The following LDLRAD3 variants were observed in gnomAD, a reference collection of about 807,000 sequenced individuals.
LDLRAD3 encodes low-density lipoprotein receptor class A domain-containing protein 3.
In LDLRAD3, 20 loss-of-function variants were observed where a neutral mutation model predicts 29.4. The ratio of observed to expected loss-of-function variants is 0.68; its 90% CI spans 0.48 to 0.99. LDLRAD3 has a LOEUF of 0.99. Among genes scored for constraint, LDLRAD3 ranks in the 50% least tolerant of loss-of-function variants. The pLI is 0.00. For missense variants in LDLRAD3, 420 were observed against 454.3 expected, an observed-to-expected ratio of 0.92 and a Z score of 0.69; for synonymous variants, 157 against 192.7, an observed-to-expected ratio of 0.81 and a Z score of 1.53.
At chr11:36,209,924 A>C (rs983299559) in intron 4 of LDLRAD3, among the ~76,000 whole-genome samples, 1 of 152,244 alleles carries the variant, frequency 6.6e-6, no homozygotes, top group African/African-American at 2.4e-5. Context: ...AAACTGAACA[A>C]AATAAATGGG....
chr11:36,093,432 T>G (rs1337894872), intron 3 of LDLRAD3, among the ~76,000 whole-genome samples: 1 of 152,194 alleles, frequency 6.6e-6, no homozygotes, highest in East Asian at 1.9e-4. Flanking sequence ...TTAAGGTTTT[T>G]TTTTTCTTTC....
chr11:36,010,758 A>G (rs1173288467), intron 1 of LDLRAD3, among the ~76,000 whole-genome samples: 1 of 152,114 alleles, frequency 6.6e-6, no homozygotes, highest in East Asian at 1.9e-4. Context: ...AAATTATTCC[A>G]TGCAGCATTC....
chr11:36,172,167 A>G (rs1270481958), intron 4 of LDLRAD3, among the ~76,000 whole-genome samples: 1 of 152,108 alleles, frequency 6.6e-6, no homozygotes, highest in East Asian at 1.9e-4. Flanking sequence ...ATTTGTGCAC[A>G]TTGATTTTGT....
chr11:35,951,568 CTT>C (rs1352802520), intron 1 of LDLRAD3, among the ~76,000 whole-genome samples: 6 of 152,114 alleles, frequency 3.9e-5, no homozygotes, highest in Non-Finnish European at 7.4e-5. Flanking sequence ...GTGTTTTCCT[CTT>C]TTAATTCTCT....
At chr11:36,076,450 A>C (rs557560160) in intron 2 of LDLRAD3, among the ~76,000 whole-genome samples, 38 of 151,712 alleles carry the variant, frequency 2.5e-4, no homozygotes, top group Non-Finnish European at 4.7e-4. Context: ...GCAGTGGCAC[A>C]ATCTCAGCTC....
intron 4 of LDLRAD3, among the ~76,000 whole-genome samples, chr11:36,184,435 G>T (rs965073518): frequency 6.6e-6 from 1 of 152,172 alleles, no homozygotes; most frequent in Admixed American, 6.5e-5. Context: ...GATATCTGCT[G>T]TTTTTACTGG....
At chr11:36,081,800 A>C in intron 3 of LDLRAD3, 22 bp downstream of exon 3, 1 of 1,613,212 alleles carries the variant, frequency 6.2e-7, no homozygotes, top group Non-Finnish European at 8.5e-7. Context: ...GCACTTGAAC[A>C]CTGTGATCCC....
At chr11:36,123,286 A>G (rs1853786987) in intron 4 of LDLRAD3, among the ~76,000 whole-genome samples, 1 of 152,266 alleles carries the variant, frequency 6.6e-6, no homozygotes, top group Non-Finnish European at 1.5e-5. Context: ...TTTTAAATGT[A>G]ATATGATGTG....
intron 1 of LDLRAD3, among the ~76,000 whole-genome samples, chr11:36,009,372 C>T (rs1228606929): frequency 6.6e-6 from 1 of 152,144 alleles, no homozygotes; most frequent in African/African-American, 2.4e-5. Context: ...TGACGAACTC[C>T]CTTTGCAGGA....
intron 4 of LDLRAD3, among the ~76,000 whole-genome samples, chr11:36,112,446 C>G (rs1853618901): frequency 6.6e-6 from 1 of 152,198 alleles, no homozygotes; most frequent in Non-Finnish European, 1.5e-5. Context: ...TGCCAGGGGA[C>G]TTAATGTATG....
At chr11:35,975,670 G>A (rs1329946182) in intron 1 of LDLRAD3, among the ~76,000 whole-genome samples, 1 of 152,136 alleles carries the variant, frequency 6.6e-6, no homozygotes, top group Non-Finnish European at 1.5e-5. Flanking sequence ...ATAACAAACA[G>A]TATAGGCACT....
intron 4 of LDLRAD3, among the ~76,000 whole-genome samples, chr11:36,200,163 C>G (rs1036911730): frequency 2.0e-5 from 3 of 151,870 alleles, no homozygotes; most frequent in Non-Finnish European, 4.4e-5. Context: ...AAGACTCCAT[C>G]TAAAAAAAAT....
chr11:36,154,403 T>C (rs1035275752), intron 4 of LDLRAD3, among the ~76,000 whole-genome samples: 2 of 152,310 alleles, frequency 1.3e-5, no homozygotes, highest in Admixed American at 6.5e-5. Context: ...ACCCCACTTA[T>C]TCCCTTTGTA....
At chr11:36,141,014 C>G (rs1854077111) in intron 4 of LDLRAD3, among the ~76,000 whole-genome samples, 1 of 151,172 alleles carries the variant, frequency 6.6e-6, no homozygotes, top group South Asian at 2.1e-4. Context: ...CTCTCTCTCT[C>G]TCTCTCTCTC....
At chr11:36,018,948 G>A (rs1462917274) in intron 1 of LDLRAD3, among the ~76,000 whole-genome samples, 1 of 151,844 alleles carries the variant, frequency 6.6e-6, no homozygotes, top group Non-Finnish European at 1.5e-5. Context: ...GTTCCAATTA[G>A]GGACATAGAG....
At chr11:36,018,076 T>C (rs1852046496) in intron 1 of LDLRAD3, among the ~76,000 whole-genome samples, 1 of 152,330 alleles carries the variant, frequency 6.6e-6, no homozygotes, top group South Asian at 2.1e-4. Context: ...ATTAATTTTT[T>C]CCTCAAAAGT....
chr11:35,953,148 A>G (rs1421010485), intron 1 of LDLRAD3, among the ~76,000 whole-genome samples: 1 of 152,160 alleles, frequency 6.6e-6, no homozygotes, highest in Non-Finnish European at 1.5e-5. Flanking sequence ...ATATCAAGAG[A>G]CAGGTGATAA....
At chr11:35,995,979 T>G (rs1342070553) in intron 1 of LDLRAD3, among the ~76,000 whole-genome samples, 1 of 152,242 alleles carries the variant, frequency 6.6e-6, no homozygotes, top group African/African-American at 2.4e-5. Context: ...CCGCTAAAAC[T>G]TCCTCCATAT....
intron 4 of LDLRAD3, among the ~76,000 whole-genome samples, chr11:36,210,521 G>A (rs1855269801): frequency 1.3e-5 from 2 of 151,846 alleles, no homozygotes; most frequent in African/African-American, 4.8e-5. Flanking sequence ...ATCCTCCACA[G>A]CCCGAGACCC....
Sources: gnomAD v4.1 joint callset for allele counts (sites outside exome capture counted in the v4.1 genomes callset) on GRCh38, gnomAD v4.1.1 for gene constraint, MANE v1.5 for transcripts, NCBI Gene and HGNC (gene_info 2026-07-23, HGNC 2026-07-21) for gene names.